Variants in STRN observed in about 807,000 individuals in gnomAD.
STRN encodes the protein protein phosphatase 2 regulatory subunit B'''alpha.
STRN carries 53 observed loss-of-function variants against 96.3 expected under a neutral mutation model. The observed-to-expected ratio is 0.55, with a 90% CI of 0.44 to 0.69. STRN has a LOEUF of 0.69. Ranked by LOEUF, STRN falls within the 30% of genes least tolerant of loss-of-function variation. STRN has a pLI of 0.00. For missense variants in STRN, 987 were observed against 963.9 expected, an observed-to-expected ratio of 1.02 and a Z score of -0.32; for synonymous variants, 428 against 355.9, an observed-to-expected ratio of 1.20 and a Z score of -2.28.
At chr2:36,916,294 G>A (rs1182693021) in intron 2 of STRN, 143 bp from the exon 3 acceptor site, 2 of 680,918 alleles carry the variant, frequency 2.9e-6, no homozygotes, top group African/African-American at 3.6e-5. Flanking sequence ...TGGTGTCAAA[G>A]TTATAATACA....
intron 4 of STRN, among the ~76,000 whole-genome samples, chr2:36,904,065 A>G (rs866793875): frequency 9.2e-5 from 14 of 152,206 alleles, no homozygotes; most frequent in Admixed American, 5.2e-4. Context: ...GTTTTTGAAA[A>G]TATCTCTTGG....
rs989109899 is a variant in STRN at position 36,845,308 on chromosome 2, T to C, written c.*4148A>G. 6.6e-6 allele frequency: 1 copy of C among 152,154 alleles called. No individual in the cohort carries two copies. Among genetic ancestry groups the C allele is most frequent in the African/African-American group, 2.4e-5 (1 of 41,436 alleles). 9.4% of individuals were successfully genotyped at this position (152,154 alleles called of 1,614,324 possible). A position where few individuals can be genotyped will look rare whatever the true frequency, so the allele number is the denominator to read the frequency against. ...CCTTTCAGTCTGATTTGTGACATCT[T>C]AATACAATATAACTTAAATGACAAA... On this transcript the variant is annotated 3_prime_UTR_variant, in exon 18 of 18. Transcript: ENST00000263918.
At chr2:36,912,532 A>G (rs1669989493) in intron 3 of STRN, among the ~76,000 whole-genome samples, 1 of 151,840 alleles carries the variant, frequency 6.6e-6, no homozygotes, top group African/African-American at 2.4e-5. Context: ...TTTTCCTCCT[A>G]CTGTTAATGT....
intron 3 of STRN, among the ~76,000 whole-genome samples, chr2:36,909,255 T>C (rs10490658): frequency 0.089 from 13,488 of 152,122 alleles, 1,298 homozygotes; most frequent in East Asian, 0.52. Flanking sequence ...GTTCTTTCCA[T>C]GGTTAGTAAG....
chr2:36,849,379 C>T lies in STRN; in HGVS notation c.*77G>A. On this transcript the variant is annotated 3_prime_UTR_variant, in exon 18 of 18. Transcript: ENST00000263918. ...AACAAAAGGGCAGGACGAGATGATT[C>T]TTGCCCTCGTCTTCTGTATCTCTTG... 6.6e-7 allele frequency: 1 copy of T among 1,517,646 alleles called. No homozygotes were observed. The highest frequency in any genetic ancestry group is 9.0e-7 in the Non-Finnish European group (1 of 1,112,180). The allele number at this position is 1,517,646 out of a possible 1,614,324, so 94.0% of individuals were successfully genotyped here.
At chr2:36,914,066 C>G (rs1244363288) in intron 3 of STRN, among the ~76,000 whole-genome samples, 1 of 152,096 alleles carries the variant, frequency 6.6e-6, no homozygotes, top group East Asian at 1.9e-4. Flanking sequence ...CACACTATAA[C>G]CTAACCTCAA....
chr2:36,944,353 T>C (rs541326888), intron 1 of STRN, among the ~76,000 whole-genome samples: 4 of 152,348 alleles, frequency 2.6e-5, no homozygotes, highest in East Asian at 3.9e-4. Flanking sequence ...AGGAAATATA[T>C]GGCTGCAGTT....
At position 36,908,978 on chromosome 2, in the gene STRN, C is replaced by A. The variant is rs1231161010; in HGVS notation, c.413-3360G>T. ...CCTGGGCGACAGAGCAAGCCTCTAT[C>A]CCCACCCCCAAACACCCCAGAAAAA... On this transcript the variant is annotated intron_variant, in intron 3 of 17. Transcript: ENST00000263918. Among the ~76,000 whole-genome samples the A allele has an allele frequency of 2.2e-5, 3 of 136,186 alleles. No individual in the cohort carries two copies. The South Asian group carries it at 7.4e-4, about 34-fold the overall frequency. 89.3% of individuals were successfully genotyped at this position (136,186 alleles called of 152,430 possible). A position where few individuals can be genotyped will look rare whatever the true frequency, so the allele number is the denominator to read the frequency against.
At chr2:36,849,848 T>C (rs1668176242) in intron 16 of STRN, 48 bp from the exon 17 acceptor site, 10 of 1,571,686 alleles carry the variant, frequency 6.4e-6, no homozygotes, top group Non-Finnish European at 7.9e-6. Flanking sequence ...TTCCTCATCT[T>C]CAATATTTGC....
At chr2:36,877,153 C>T (rs1668936054) in intron 10 of STRN, among the ~76,000 whole-genome samples, 1 of 152,206 alleles carries the variant, frequency 6.6e-6, no homozygotes, top group Non-Finnish European at 1.5e-5. Context: ...TCAGCCTTAA[C>T]ATCTGGAAAG....
chr2:36,895,674 G>A (rs191092239), intron 6 of STRN, among the ~76,000 whole-genome samples: 163 of 151,806 alleles, frequency 1.1e-3, no homozygotes, highest in African/African-American at 3.7e-3. Context: ...CACTTTGGGA[G>A]GCCGAGATGG....
intron 14 of STRN, among the ~76,000 whole-genome samples, chr2:36,856,052 A>C (rs1668336211): frequency 6.6e-6 from 1 of 152,240 alleles, no homozygotes; most frequent in African/African-American, 2.4e-5. Context: ...ATAACCAATA[A>C]GCAAACAAAA....
In STRN at chr2:36,886,734, C is replaced by T; in HGVS notation, c.1024G>A (p.Gly342Arg). ...CACTTACTCTTCACCCCCTTTTTCC[C>T]CTTTCTCTCCTTTTTGTATTGTTCC... ...LKEQYKKERK[G>R]KKGVKRPNRS... The change falls in exon 8 of 18, where the codon GGG (glycine) becomes AGG (arginine). Residue 342 changes from glycine to arginine, a missense_variant. Transcript: ENST00000263918. 6.2e-7 allele frequency: 1 copy of T among 1,608,458 alleles called. No individual in the cohort carries two copies.
chr2:36,946,768 A>G (rs1207368002), intron 1 of STRN, among the ~76,000 whole-genome samples: 2 of 152,258 alleles, frequency 1.3e-5, no homozygotes, highest in Non-Finnish European at 2.9e-5. Flanking sequence ...CAGTTTCTAA[A>G]AATCTAAATT....
intron 2 of STRN, among the ~76,000 whole-genome samples, chr2:36,921,196 G>A (rs752096032): frequency 6.6e-6 from 1 of 152,048 alleles, no homozygotes; most frequent in Admixed American, 6.5e-5. Context: ...CTTTAGTAAG[G>A]GTACCAATAA....
In STRN at chr2:36,877,934, G is replaced by C; in HGVS notation, c.1280C>G (p.Ala427Gly). Residue 427 changes from alanine to glycine, a missense_variant, in exon 10 of 18, where the codon GCA becomes GGA. By Grantham distance (60) the Ala-to-Gly change is moderately conservative (BLOSUM62 0). Coordinates refer to ENST00000263918, the MANE Select transcript of STRN (RefSeq NM_003162.4). Reference protein sequence around the residue: ...LESELGLGELAGLTVANEADS... With the variant: ...LESELGLGELGGLTVANEADS... ...TGCTTCATTGGCCACCGTAAGGCCT[G>C]CTAGTTCTCCAAGTCCCAGTTCACT... 6.2e-7 allele frequency: 1 copy of C among 1,614,180 alleles called. No individual in the cohort carries two copies. The highest frequency in any genetic ancestry group is 8.5e-7 in the Non-Finnish European group (1 of 1,180,020).
chr2:36,890,971 G>A (rs1212355755), intron 7 of STRN, among the ~76,000 whole-genome samples: 1 of 152,112 alleles, frequency 6.6e-6, no homozygotes, highest in African/African-American at 2.4e-5. Flanking sequence ...TCCCTTACCC[G>A]AAATGCTTGG....
Position 36,952,582 on chromosome 2 carries a change from A to C in STRN, c.234+13648T>G, listed in dbSNP as rs1478092238. 5.3e-5 allele frequency among the ~76,000 whole-genome samples: 8 copies of C among 152,340 alleles called. No homozygotes were observed. In the East Asian group the frequency reaches 1.3e-3, roughly 26 times the overall value. On this transcript the variant is annotated intron_variant, in intron 1 of 17. Coordinates refer to ENST00000263918, the MANE Select transcript of STRN (RefSeq NM_003162.4). ...TCACCTATGCATTTGGGAATGATTA[A>C]TATCTACCACATACAGTTTTACAAG...
chr2:36,953,730 G>C (rs1314211571), intron 1 of STRN, among the ~76,000 whole-genome samples: 2 of 152,178 alleles, frequency 1.3e-5, no homozygotes, highest in Non-Finnish European at 2.9e-5. Context: ...ACAGCATTAA[G>C]TCTACCAAGA....
Sources: allele counts gnomAD v4.1 joint callset (sites outside exome capture counted in the v4.1 genomes callset), GRCh38; gene constraint gnomAD v4.1.1; transcripts MANE v1.5; gene names NCBI Gene and HGNC (gene_info 2026-07-23, HGNC 2026-07-21).